RPF1: variants seen among roughly 807,000 people sequenced by gnomAD.
The protein encoded by RPF1 is ribosome production factor 1 homolog.
Under a neutral mutation model 41.9 loss-of-function variants are expected in RPF1, and 34 were observed. The observed-to-expected ratio is 0.81, with a 90% CI of 0.62 to 1.08. RPF1 has a LOEUF of 1.08. Among genes scored for constraint, RPF1 ranks in the 50% least tolerant of loss-of-function variants. The pLI is 0.00. For missense variants in RPF1, 425 were observed against 435.2 expected, an observed-to-expected ratio of 0.98 and a Z score of 0.21; for synonymous variants, 140 against 148.9, an observed-to-expected ratio of 0.94 and a Z score of 0.43.
chr1:84,483,055 T>C, intron 3 of RPF1, 60 bp downstream of exon 3: 1 of 1,118,680 alleles, frequency 8.9e-7, no homozygotes, highest in Non-Finnish European at 1.4e-6. Context: ...AATTATATGT[T>C]TTTTTGTTGA....
intron 5 of RPF1, among the ~76,000 whole-genome samples, chr1:84,494,405 A>G (rs1275770186): frequency 1.3e-5 from 2 of 152,216 alleles, no homozygotes; most frequent in Admixed American, 1.3e-4. Context: ...TTAAATGCAG[A>G]TAGACTTGAA....
intron 8 of RPF1, 63 bp downstream of exon 8, chr1:84,496,433 G>A (rs1681935842): frequency 7.0e-7 from 1 of 1,428,796 alleles, no homozygotes; most frequent in East Asian, 2.3e-5. Context: ...AGGGTGGGAG[G>A]AGAGAGAGCA....
chr1:84,479,543 G>T, intron 1 of RPF1, 34 bp downstream of exon 1: 1 of 1,603,494 alleles, frequency 6.2e-7, no homozygotes, highest in South Asian at 1.1e-5. Flanking sequence ...GGGCGCTTGC[G>T]CGTTGTTCCT....
intron 3 of RPF1, among the ~76,000 whole-genome samples, chr1:84,488,293 T>C (rs191630802): frequency 9.5e-4 from 144 of 152,238 alleles, no homozygotes; most frequent in African/African-American, 3.3e-3. Context: ...ATTTCGTAAT[T>C]CTCTTCATGG....
chr1:84,494,529 A>G (rs1388316874), intron 5 of RPF1, among the ~76,000 whole-genome samples: 1 of 152,246 alleles, frequency 6.6e-6, no homozygotes, highest in African/African-American at 2.4e-5. Flanking sequence ...TGTCATTAAT[A>G]TGCCTGCTTG....
At chr1:84,497,258 C>T (rs879046325) in intron 8 of RPF1, among the ~76,000 whole-genome samples, 171 bp from the exon 9 acceptor site, 1 of 151,628 alleles carries the variant, frequency 6.6e-6, no homozygotes, top group African/African-American at 2.4e-5. Flanking sequence ...CTGCCAACAT[C>T]TTTTATATTA....
intron 5 of RPF1, 39 bp downstream of exon 5, chr1:84,490,511 C>G (rs754433380): frequency 7.5e-7 from 1 of 1,329,080 alleles, no homozygotes; most frequent in East Asian, 2.5e-5. Flanking sequence ...CCTGTCCTCT[C>G]CCTCACCCCC....
chr1:84,496,424 G>C, intron 8 of RPF1, 54 bp downstream of exon 8: 1 of 1,488,574 alleles, frequency 6.7e-7, no homozygotes, highest in Non-Finnish European at 9.1e-7. Flanking sequence ...TGGGATAAGA[G>C]GGTGGGAGGA....
intron 8 of RPF1, among the ~76,000 whole-genome samples, chr1:84,496,997 G>C (rs749509018): frequency 2.7e-4 from 41 of 151,676 alleles, no homozygotes; most frequent in Admixed American, 1.4e-3. Flanking sequence ...TCAGCCTCCC[G>C]AGTAGCTGGG....
At chr1:84,487,209 A>G (rs1681752317) in intron 3 of RPF1, among the ~76,000 whole-genome samples, 2 of 152,348 alleles carry the variant, frequency 1.3e-5, no homozygotes, top group East Asian at 3.9e-4. Flanking sequence ...TTAACTTTAC[A>G]TAATTGTACC....
At chr1:84,485,481 G>T (rs1681720921) in intron 3 of RPF1, among the ~76,000 whole-genome samples, 1 of 152,190 alleles carries the variant, frequency 6.6e-6, no homozygotes, top group African/African-American at 2.4e-5. Context: ...ATGAGGTGAG[G>T]TGTGGAATTC....
chr1:84,486,140 A>G (rs1210714902), intron 3 of RPF1, among the ~76,000 whole-genome samples: 1 of 152,180 alleles, frequency 6.6e-6, no homozygotes, highest in Non-Finnish European at 1.5e-5. Context: ...CAAGGAGGCC[A>G]TTGTGACTGA....
At chr1:84,496,551 CAT>C (rs1681938144) in intron 8 of RPF1, among the ~76,000 whole-genome samples, 181 bp downstream of exon 8, 1 of 137,620 alleles carries the variant, frequency 7.3e-6, no homozygotes, top group Admixed American at 7.5e-5. Flanking sequence ...ACATCCTGCA[CAT>C]ATACCCTTGA....
Position 84,496,241 on chromosome 1 carries a change from A to G in RPF1, c.882-3A>G. 1 of 1,608,998 alleles carries G rather than the reference A, an allele frequency of 6.2e-7. No homozygotes were observed. Among genetic ancestry groups the G allele is most frequent in the African/African-American group, 1.3e-5 (1 of 74,582 alleles). ...ACTAATTTAACTCTTTTTGTCTTTG[A>G]AGATACATATTCAGGAGTGAAAAGA... On this transcript the variant is annotated splice_polypyrimidine_tract_variant and splice_region_variant and intron_variant, in intron 7 of 8. Transcript: ENST00000370654.
At chr1:84,491,827 C>T (rs1681840666) in intron 5 of RPF1, among the ~76,000 whole-genome samples, 1 of 152,132 alleles carries the variant, frequency 6.6e-6, no homozygotes, top group African/African-American at 2.4e-5. Flanking sequence ...TTTATATAGT[C>T]ACACAAATTT....
chr1:84,480,912 C>A, intron 1 of RPF1, 44 bp from the exon 2 acceptor site: 1 of 1,031,584 alleles, frequency 9.7e-7, no homozygotes, highest in Non-Finnish European at 1.5e-6. Flanking sequence ...TGTGATATAA[C>A]TGGTTGTTTC....
Position 84,497,562 on chromosome 1 carries a change from ATTTGCTGATT to A in RPF1, c.*94_*103del. ...GACAGAATACTCTTTTCAAAATGGC[ATTTGCTGATT>A]TCATAAACCTTTCACGTCTGGACGA... On this transcript the variant is annotated 3_prime_UTR_variant, in exon 9 of 9. Transcript: ENST00000370654. The A allele has an allele frequency of 1.1e-6, 1 of 922,976 alleles. No homozygotes were observed. Among genetic ancestry groups the A allele is most frequent in the Non-Finnish European group, 1.6e-6 (1 of 611,850 alleles). The allele number at this position is 922,976 out of a possible 1,614,324, so 57.2% of individuals were successfully genotyped here. A position where few individuals can be genotyped will look rare whatever the true frequency, so the allele number is the denominator to read the frequency against.
At chr1:84,480,817 G>A (rs751387877) in intron 1 of RPF1, 139 bp from the exon 2 acceptor site, 21 of 500,520 alleles carry the variant, frequency 4.2e-5, no homozygotes, top group African/African-American at 5.9e-5. Flanking sequence ...AAAACTCCAC[G>A]TCCAGATGCT....
rs1681602772 is a variant in RPF1, at chr1:84,479,521, G to A, written c.228+12G>A. On this transcript the variant is annotated intron_variant, in intron 1 of 8. Coordinates refer to ENST00000370654, the MANE Select transcript of RPF1 (RefSeq NM_025065.7). ...AGCAGCAGCGGAAGGTACGCGAGAG[G>A]CGGGGGCTGCCGGGCGCTTGCGCGT... The A allele has an allele frequency of 6.2e-7, 1 of 1,612,204 alleles. No homozygotes were observed. Among genetic ancestry groups the A allele is most frequent in the Non-Finnish European group, 8.5e-7 (1 of 1,178,650 alleles).
Sources: gnomAD v4.1 joint callset for allele counts (sites outside exome capture counted in the v4.1 genomes callset) on GRCh38, gnomAD v4.1.1 for gene constraint, MANE v1.5 for transcripts, NCBI Gene and HGNC (gene_info 2026-07-23, HGNC 2026-07-21) for gene names.